Variants in SRPK2 observed in about 807,000 individuals in gnomAD.
SRPK2 encodes SRSF protein kinase 2, also known as SFRS protein kinase 2.
Under a neutral mutation model 90.8 loss-of-function variants are expected in SRPK2, and 21 were observed. The ratio of observed to expected loss-of-function variants is 0.23; its 90% CI spans 0.16 to 0.33. The LOEUF is 0.33. SRPK2 is among the 10% of genes least tolerant of loss of function. The pLI is 1.00. For missense variants in SRPK2, 620 were observed against 869.0 expected (o/e 0.71, Z 3.60); for synonymous variants, 288 against 311.1 (o/e 0.93, Z 0.78).
At chr7:105,135,346 C>T (rs994379662) in intron 11 of SRPK2, among the ~76,000 whole-genome samples, 10 of 152,090 alleles carry the variant, frequency 6.6e-5, no homozygotes, top group Admixed American at 5.2e-4. Flanking sequence ...AGCATCTGGG[C>T]GCCTGGCCAG....
At chr7:105,361,320 A>C (rs561175237) in intron 2 of SRPK2, among the ~76,000 whole-genome samples, 2 of 152,326 alleles carry the variant, frequency 1.3e-5, no homozygotes. Flanking sequence ...CAATGAAATA[A>C]AAGAGGACAC....
chr7:105,249,850 A>C (rs570691940), intron 2 of SRPK2, among the ~76,000 whole-genome samples: 36 of 152,340 alleles, frequency 2.4e-4, no homozygotes, highest in African/African-American at 8.4e-4. Flanking sequence ...AACTATACTA[A>C]AGTTAAAAAA....
chr7:105,275,230 C>T (rs1449696730), intron 2 of SRPK2, among the ~76,000 whole-genome samples: 6 of 152,160 alleles, frequency 3.9e-5, no homozygotes, highest in Admixed American at 2.0e-4. Context: ...CTAGACCAAA[C>T]CCCTGGCATT....
At chr7:105,213,075 G>T (rs1437692057) in intron 2 of SRPK2, among the ~76,000 whole-genome samples, 1 of 152,070 alleles carries the variant, frequency 6.6e-6, no homozygotes, top group African/African-American at 2.4e-5. Context: ...ATGGATTTTG[G>T]TATCCGAATG....
intron 11 of SRPK2, 32 bp downstream of exon 11, chr7:105,141,976 A>T: frequency 6.3e-7 from 1 of 1,579,104 alleles, no homozygotes; most frequent in Non-Finnish European, 8.6e-7. Context: ...GGAGTCAGCG[A>T]TGGCAGACAG....
chr7:105,146,341 T>C (rs1804627625), intron 8 of SRPK2, 152 bp downstream of exon 8: 1 of 681,916 alleles, frequency 1.5e-6, no homozygotes, highest in Admixed American at 3.1e-5. Context: ...AGCTGGGGCA[T>C]TTTCCATTTC....
chr7:105,161,358 C>T (rs1807620589), intron 6 of SRPK2, among the ~76,000 whole-genome samples: 1 of 152,024 alleles, frequency 6.6e-6, no homozygotes, highest in Non-Finnish European at 1.5e-5. Flanking sequence ...ATTTTTCATC[C>T]AACGTTTATT....
intron 3 of SRPK2, among the ~76,000 whole-genome samples, chr7:105,171,849 T>A (rs1158553161): frequency 1.3e-5 from 2 of 152,206 alleles, no homozygotes; most frequent in Non-Finnish European, 2.9e-5. Context: ...AAACTAAAAT[T>A]AATTAAAAGA....
chr7:105,268,270 G>A (rs958314076), intron 2 of SRPK2, among the ~76,000 whole-genome samples: 13 of 152,256 alleles, frequency 8.5e-5, no homozygotes, highest in African/African-American at 2.9e-4. Flanking sequence ...GCACAGACTT[G>A]AAGAAGCATC....
intron 2 of SRPK2, among the ~76,000 whole-genome samples, chr7:105,235,460 T>TTGTGTG (rs57638058): frequency 2.0e-5 from 3 of 150,846 alleles, no homozygotes; most frequent in African/African-American, 7.3e-5. Context: ...TTGTCTGGGA[T>TTGTGTG]TGTGTGTGTG....
At chr7:105,299,543 T>C (rs1300896420) in intron 2 of SRPK2, among the ~76,000 whole-genome samples, 2 of 152,238 alleles carry the variant, frequency 1.3e-5, no homozygotes, top group African/African-American at 4.8e-5. Flanking sequence ...TGGAGAGATA[T>C]AACGGTCCCA....
rs917129318 is a variant in SRPK2 at position 105,169,284 on chromosome 7, A to G, written c.230-19T>C. 6.3e-7 allele frequency: 1 copy of G among 1,592,148 alleles called. No individual in the cohort carries two copies. On this transcript the variant is annotated intron_variant, in intron 3 of 15. Coordinates refer to ENST00000393651, the MANE Select transcript of SRPK2 (RefSeq NM_182692.3). ...TATCCACCTTAAAAAACAAGAAAGA[A>G]AGAAAAAAATTCAAAATATTCGAAA...
chr7:105,244,517 T>G, intron 2 of SRPK2: 1 of 471,218 alleles, frequency 2.1e-6, no homozygotes. Flanking sequence ...GAGCTTGCAG[T>G]GAGCTAAGAT....
intron 2 of SRPK2, among the ~76,000 whole-genome samples, chr7:105,297,737 A>ATTT (rs202204947): frequency 1.7e-5 from 2 of 120,096 alleles, no homozygotes; most frequent in Non-Finnish European, 3.4e-5. Flanking sequence ...TAAGCTGTAA[A>ATTT]TTTTTTTTTT....
At chr7:105,269,819 T>C (rs1349650708) in intron 2 of SRPK2, among the ~76,000 whole-genome samples, 1 of 152,254 alleles carries the variant, frequency 6.6e-6, no homozygotes, top group Non-Finnish European at 1.5e-5. Context: ...GACTATTTCA[T>C]GTGTAAAGCT....
At chr7:105,327,868 C>T (rs1012417873) in intron 2 of SRPK2, among the ~76,000 whole-genome samples, 2 of 152,130 alleles carry the variant, frequency 1.3e-5, no homozygotes, top group African/African-American at 2.4e-5. Context: ...TGGCGTGATC[C>T]CGGCTCACTG....
At chr7:105,263,464 T>C (rs1804608976) in intron 2 of SRPK2, among the ~76,000 whole-genome samples, 1 of 152,136 alleles carries the variant, frequency 6.6e-6, no homozygotes, top group African/African-American at 2.4e-5. Context: ...CTGAATTAAT[T>C]ACAACTACAC....
chr7:105,115,646 C>T (rs1432874797), downstream of SRPK2: 3 of 152,248 alleles, frequency 2.0e-5, no homozygotes, highest in South Asian at 4.1e-4. Flanking sequence ...CCATATTATG[C>T]CTAATACAAA....
At chr7:105,293,076 T>C (rs1809280948) in intron 2 of SRPK2, among the ~76,000 whole-genome samples, 1 of 151,932 alleles carries the variant, frequency 6.6e-6, no homozygotes, top group Non-Finnish European at 1.5e-5. Flanking sequence ...GGGGCGCGGA[T>C]CACCTGAGGT....
Sources: gnomAD v4.1 joint callset for allele counts (sites outside exome capture counted in the v4.1 genomes callset) on GRCh38, gnomAD v4.1.1 for gene constraint, MANE v1.5 for transcripts, NCBI Gene and HGNC (gene_info 2026-07-23, HGNC 2026-07-21) for gene names.